The following PCDHGB4 variants were observed in gnomAD, a reference collection of about 807,000 sequenced individuals.
PCDHGB4 encodes protocadherin gamma-B4.
A neutral mutation model predicts 60.5 loss-of-function variants in PCDHGB4; 38 were observed. That is an observed-to-expected ratio of 0.63 (90% CI 0.48 to 0.82). The LOEUF (loss-of-function observed/expected upper bound fraction) is 0.82. Among genes scored for constraint, PCDHGB4 ranks in the 40% least tolerant of loss-of-function variants. The probability of loss-of-function intolerance (pLI) is 0.00; values close to 1 mark genes in which losing one functional copy is unlikely to be tolerated. For synonymous variants in PCDHGB4, 456 were observed against 509.7 expected, an observed-to-expected ratio of 0.89 and a Z score of 1.42; for missense variants, 1,109 against 1,209.6, an observed-to-expected ratio of 0.92 and a Z score of 1.23.
chr5:141,403,040 C>CA (rs1195249780), intron 1 of PCDHGB4: 1 of 1,613,950 alleles, frequency 6.2e-7, no homozygotes, highest in Non-Finnish European at 8.5e-7. Flanking sequence ...CAGGGCCAGT[C>CA]AGATTCGCTA....
At position 141,422,923 on chromosome 5, in the gene PCDHGB4, C is replaced by T. The variant is rs188787674; in HGVS notation, c.2397+32642C>T. The T allele has an allele frequency of 1.6e-5, 26 of 1,614,252 alleles. No homozygotes were observed. In the East Asian group the frequency reaches 2.5e-4, roughly 15 times the overall value. On this transcript the variant is annotated intron_variant, in intron 1 of 3. Coordinates refer to ENST00000519479, the MANE Select transcript of PCDHGB4 (RefSeq NM_003736.4). ...CGACAATGCGCCCGAGATCCTGTAC[C>T]CTGCCCTCCCCACAGACGGCTCCAC...
In PCDHGB4 at chr5:141,491,727, G is replaced by C; in HGVS notation, c.2398-3080G>C. On this transcript the variant is annotated intron_variant, in intron 1 of 3. Transcript: ENST00000519479. This position sits in a 1 kb window ranked among gnomAD's most constrained non-coding sequence, Gnocchi z 6.9. ...TGAGGGGCTCGGCGCCGCCCCGGGC[G>C]ACCCCTGGGGGCGGCACTGGAGAAG... 6.2e-7 allele frequency: 1 copy of C among 1,604,916 alleles called. No individual in the cohort carries two copies. The highest frequency in any genetic ancestry group is 8.5e-7 in the Non-Finnish European group (1 of 1,176,284).
rs1417059875 is a variant in PCDHGB4 at position 141,496,499 on chromosome 5, G to C, written c.2456+1634G>C. 2.6e-5 allele frequency among the ~76,000 whole-genome samples: 4 copies of C among 152,102 alleles called. No individual in the cohort carries two copies. In the East Asian group the frequency reaches 7.7e-4, roughly 29 times the overall value. On this transcript the variant is annotated intron_variant, in intron 2 of 3. Coordinates refer to ENST00000519479, the MANE Select transcript of PCDHGB4 (RefSeq NM_003736.4). ...TCCTGCAACCAACCAAACCCTTGTT[G>C]CCACAAGGACCCAGGAGCCCTTGGT...
chr5:141,497,312 G>A (rs940721317), intron 2 of PCDHGB4, among the ~76,000 whole-genome samples: 7 of 152,038 alleles, frequency 4.6e-5, no homozygotes, highest in African/African-American at 1.7e-4. Flanking sequence ...CCATACACTG[G>A]CTTTGAAGCA....
intron 1 of PCDHGB4, among the ~76,000 whole-genome samples, chr5:141,452,522 A>G (rs924248463): frequency 6.6e-6 from 1 of 152,310 alleles, no homozygotes; most frequent in African/African-American, 2.4e-5. Context: ...CTCCCTCAAA[A>G]TCGTGAGTTC....
chr5:141,451,284 G>A (rs950768919), intron 1 of PCDHGB4, among the ~76,000 whole-genome samples: 1 of 152,186 alleles, frequency 6.6e-6, no homozygotes. Context: ...GAGTGCCTCT[G>A]CCTCAAAGTC....
At chr5:141,409,461 T>C in intron 1 of PCDHGB4, 1 of 1,613,928 alleles carries the variant, frequency 6.2e-7, no homozygotes, top group Non-Finnish European at 8.5e-7. Flanking sequence ...GAATACAATG[T>C]CACCATCGTA....
intron 1 of PCDHGB4, chr5:141,478,470 G>A (rs753075137): frequency 1.2e-6 from 2 of 1,613,686 alleles, no homozygotes; most frequent in Non-Finnish European, 1.7e-6. Context: ...CTGGCCAGCC[G>A]CCAGAACACG....
chr5:141,432,586 C>T lies in PCDHGB4; in HGVS notation c.2397+42305C>T. The T allele has an allele frequency of 1.9e-6, 3 of 1,613,852 alleles. No homozygotes were observed. Among genetic ancestry groups the T allele is most frequent in the Non-Finnish European group, 2.5e-6 (3 of 1,179,972 alleles). On this transcript the variant is annotated intron_variant, in intron 1 of 3. Transcript: ENST00000519479. The surrounding 1 kb of genome is among the most constrained non-coding windows in gnomAD (Gnocchi z 6.0). ...ACGCCTGGCTGTCCTACCGTCTGCT[C>T]AAGGCCAGCGAGCCGGGACTCTTCT...
intron 1 of PCDHGB4, chr5:141,426,408 G>A (rs2096933631): frequency 1.2e-5 from 3 of 258,388 alleles, no homozygotes; most frequent in South Asian, 4.8e-5. Flanking sequence ...CAGAAGAAAC[G>A]GTCCAGGGCT....
chr5:141,434,992 C>A (rs2097735368), intron 1 of PCDHGB4, among the ~76,000 whole-genome samples: 1 of 151,902 alleles, frequency 6.6e-6, no homozygotes, highest in Non-Finnish European at 1.5e-5. Context: ...ATATCATTTT[C>A]TAGCTGAATT....
Position 141,390,152 on chromosome 5 carries a change from TAC to T in PCDHGB4, c.2270_2271del (p.Thr757ArgfsTer6). ...ATTCCTACAATCTATGTGTTGCACA[TAC>T]AGGAAAGACGGAGTTTAATTTCCTA... ...PYSYNLCVAH[T>X]GKTEFNFLKC... On this transcript the variant is annotated frameshift_variant, in exon 1 of 4. Coordinates refer to ENST00000519479, the MANE Select transcript of PCDHGB4 (RefSeq NM_003736.4). LOFTEE classifies it high-confidence loss of function. 1.2e-6 allele frequency: 2 copies of T among 1,614,054 alleles called. No homozygotes were observed. The highest frequency in any genetic ancestry group is 1.7e-6 in the Non-Finnish European group (2 of 1,179,902).
chr5:141,422,811 C>T (rs748248571), intron 1 of PCDHGB4: 1 of 1,614,248 alleles, frequency 6.2e-7, no homozygotes, highest in Non-Finnish European at 8.5e-7. Context: ...AGTTTCGAGA[C>T]TTAGAACTGA....
chr5:141,476,483 G>T lies in PCDHGB4; in HGVS notation c.2398-18324G>T. On this transcript the variant is annotated intron_variant, in intron 1 of 3. Coordinates refer to ENST00000519479, the MANE Select transcript of PCDHGB4 (RefSeq NM_003736.4). The surrounding 1 kb of genome is among the most constrained non-coding windows in gnomAD (Gnocchi z 7.6). ...CCCGCTGGAGCTGTTCAGCGTGGAA[G>T]TGGTGATCCAGGACATCAACGACAA... 6.2e-7 allele frequency: 1 copy of T among 1,614,166 alleles called. No homozygotes were observed. The highest frequency in any genetic ancestry group is 8.5e-7 in the Non-Finnish European group (1 of 1,180,034).
At position 141,431,056 on chromosome 5, in the gene PCDHGB4, C is replaced by T; in HGVS notation, c.2397+40775C>T. ...ACCGGGAGGAGCTCTGTATGGGGGC[C>T]ATCAAGTGTCAATTAAATCTAGACA... On this transcript the variant is annotated intron_variant, in intron 1 of 3. Transcript: ENST00000519479. The surrounding 1 kb of genome is among the most constrained non-coding windows in gnomAD (Gnocchi z 4.8). 1 of 1,614,126 alleles carries T rather than the reference C, an allele frequency of 6.2e-7. No homozygotes were observed. The highest frequency in any genetic ancestry group is 8.5e-7 in the Non-Finnish European group (1 of 1,180,000).
Position 141,489,902 on chromosome 5 carries a change from C to A in PCDHGB4, c.2398-4905C>A. ...ACTGCTGTGGATGGGGGGACCCCAGCCCGCTCAGGGACCACCCTTATCTCT... is the reference window on the plus strand; with the variant it reads ...ACTGCTGTGGATGGGGGGACCCCAGACCGCTCAGGGACCACCCTTATCTCT... On this transcript the variant is annotated intron_variant, in intron 1 of 3. Transcript: ENST00000519479. The surrounding 1 kb of genome is among the most constrained non-coding windows in gnomAD (Gnocchi z 4.5). 1 of 1,614,218 alleles carries A rather than the reference C, an allele frequency of 6.2e-7. No individual in the cohort carries two copies. The highest frequency in any genetic ancestry group is 8.5e-7 in the Non-Finnish European group (1 of 1,180,032).
At chr5:141,424,772 G>A (rs2096839878) in intron 1 of PCDHGB4, 1 of 152,086 alleles carries the variant, frequency 6.6e-6, no homozygotes, top group Non-Finnish European at 1.5e-5. Flanking sequence ...ATGGCAAATA[G>A]TACATTCAGT....
intron 1 of PCDHGB4, among the ~76,000 whole-genome samples, chr5:141,460,983 GTATATA>G (rs59296681): frequency 0.23 from 32,081 of 137,558 alleles, 4,351 homozygotes; most frequent in African/African-American, 0.39. Context: ...GTGTGTGTGT[GTATATA>G]TATATATGTG....
chr5:141,392,758 A>G (rs1589161304), intron 1 of PCDHGB4: 2 of 1,472,462 alleles, frequency 1.4e-6, no homozygotes, highest in Non-Finnish European at 1.8e-6. Context: ...AAGAAACTAA[A>G]TAAGACCCAT....
Sources: gnomAD v4.1 joint callset for allele counts (sites outside exome capture counted in the v4.1 genomes callset) on GRCh38, gnomAD v4.1.1 for gene constraint, Gnocchi (gnomAD v3.1) non-coding constraint, MANE v1.5 for transcripts, NCBI Gene and HGNC (gene_info 2026-07-23, HGNC 2026-07-21) for gene names.